ITGB2: variants seen among roughly 807,000 people sequenced by gnomAD.
The protein encoded by ITGB2 is integrin beta-2.
In ITGB2, 56 loss-of-function variants were observed where a neutral mutation model predicts 86.8. That is an observed-to-expected ratio of 0.65 (90% confidence interval 0.52 to 0.81). The LOEUF is 0.81. Among genes scored for constraint, ITGB2 ranks in the 30% least tolerant of loss-of-function variants. The pLI, the probability that ITGB2 is intolerant of heterozygous loss-of-function variation, is 0.00. For missense variants in ITGB2, 948 were observed against 1,061.2 expected (o/e 0.89, Z 1.48); for synonymous variants, 457 against 450.4 (o/e 1.01, Z -0.19).
chr21:44,895,438 G>A (rs2083851058), intron 8 of ITGB2, among the ~76,000 whole-genome samples: 1 of 152,246 alleles, frequency 6.6e-6, no homozygotes, highest in Non-Finnish European at 1.5e-5. Context: ...GCTGAGGCAG[G>A]AGGATCACTT....
At chr21:44,911,592 C>A (rs1028976856) in intron 1 of ITGB2, 54 of 152,328 alleles carry the variant, frequency 3.5e-4, no homozygotes, top group African/African-American at 1.3e-3. Flanking sequence ...TGCCCAGGAG[C>A]CCTGCAGTCC....
chr21:44,893,993 A>T (rs1466480366), intron 9 of ITGB2: 1 of 295,476 alleles, frequency 3.4e-6, no homozygotes, highest in Admixed American at 4.4e-5. Flanking sequence ...TGGGGCAGAG[A>T]CAGAGAGAGA....
chr21:44,905,440 A>G (rs1375305018), intron 4 of ITGB2, among the ~76,000 whole-genome samples: 1 of 151,864 alleles, frequency 6.6e-6, no homozygotes, highest in Non-Finnish European at 1.5e-5. Context: ...CGGCACAAGG[A>G]TGCCCCCACT....
At chr21:44,905,654 C>A (rs560353918) in intron 4 of ITGB2, among the ~76,000 whole-genome samples, 1 of 152,206 alleles carries the variant, frequency 6.6e-6, no homozygotes, top group Non-Finnish European at 1.5e-5. Context: ...GGTTCCAGCA[C>A]GAAGGGGCTT....
rs181349297 is a variant in ITGB2, at chr21:44,903,805, C to T, written c.329-270G>A. ...ACCCGCCTGGGGTGCTTAGAGTTGACGCCAGCGACATTGGGGACGCCTTTC... is the reference window on the plus strand; with the variant it reads ...ACCCGCCTGGGGTGCTTAGAGTTGATGCCAGCGACATTGGGGACGCCTTTC... On this transcript the variant is annotated intron_variant, in intron 4 of 15. Coordinates refer to ENST00000652462, the MANE Select transcript of ITGB2 (RefSeq NM_000211.5). Among the ~76,000 whole-genome samples, 275 of 152,226 alleles carry T rather than the reference C, an allele frequency of 1.8e-3. 1 individual carries two copies. The highest frequency in any genetic ancestry group is 3.1e-3 in the Non-Finnish European group (208 of 67,992).
chr21:44,900,089 C>T (rs1020703338), intron 7 of ITGB2, among the ~76,000 whole-genome samples: 1 of 152,224 alleles, frequency 6.6e-6, no homozygotes, highest in Non-Finnish European at 1.5e-5. Flanking sequence ...CTGGGTGTCC[C>T]ACAAGGGCGA....
At chr21:44,928,621 C>A (rs568831860) in intron 1 of ITGB2, 3 of 139,892 alleles carry the variant, frequency 2.1e-5, no homozygotes, top group African/African-American at 5.2e-5. Flanking sequence ...CGGGTCGGGT[C>A]GGGTCGGGTT....
At chr21:44,909,136 G>A (rs541326033) in intron 3 of ITGB2, among the ~76,000 whole-genome samples, 3 of 152,220 alleles carry the variant, frequency 2.0e-5, no homozygotes, top group Non-Finnish European at 2.9e-5. Flanking sequence ...CTGCGGGTGC[G>A]ATTTGATGAG....
chr21:44,911,334 C>T (rs915462033), intron 1 of ITGB2: 7 of 172,892 alleles, frequency 4.0e-5, no homozygotes, highest in African/African-American at 1.4e-4. Flanking sequence ...ACCATACACA[C>T]GTGCAAATGT....
chr21:44,910,270 C>A lies in ITGB2; in HGVS notation c.147+14G>T. 1 of 1,612,960 alleles carries A rather than the reference C, an allele frequency of 6.2e-7. No homozygotes were observed. The highest frequency in any genetic ancestry group is 8.5e-7 in the Non-Finnish European group (1 of 1,179,620). ...GGAGCTGGGCAGGTGGGGAGGGGTC[C>A]AGGAGGCACTTACCAGCTTCTGGCA... is the stretch of plus-strand genomic sequence containing the variant. On this transcript the variant is annotated intron_variant, in intron 3 of 15. Transcript: ENST00000652462.
At chr21:44,888,917 C>A in intron 13 of ITGB2, 22 bp from the exon 14 acceptor site, 5 of 1,599,238 alleles carry the variant, frequency 3.1e-6, no homozygotes, top group Non-Finnish European at 4.2e-6. Context: ...CAGGTGTGAG[C>A]ATCGGTGCCA....
At chr21:44,901,816 C>A in intron 5 of ITGB2, 83 bp from the exon 6 acceptor site, 1 of 1,452,864 alleles carries the variant, frequency 6.9e-7, no homozygotes, top group Non-Finnish European at 9.3e-7. Flanking sequence ...CGAGGGCAAG[C>A]CTGTTTCCTC....
At chr21:44,895,836 A>AAATG (rs2083856669) in intron 8 of ITGB2, among the ~76,000 whole-genome samples, 1 of 139,196 alleles carries the variant, frequency 7.2e-6, no homozygotes, top group Non-Finnish European at 1.6e-5. Flanking sequence ...CTGTCTCAAT[A>AAATG]AAATAAAATG....
At chr21:44,914,660 C>T (rs750613251) in intron 1 of ITGB2, among the ~76,000 whole-genome samples, 8 of 152,192 alleles carry the variant, frequency 5.3e-5, no homozygotes, top group South Asian at 2.1e-4. Context: ...TGGTGGCTGA[C>T]GCCTGCAATC....
intron 1 of ITGB2, among the ~76,000 whole-genome samples, chr21:44,915,030 C>G (rs548644149): frequency 2.0e-5 from 3 of 152,250 alleles, no homozygotes; most frequent in South Asian, 2.1e-4. Context: ...GGTCAGGCTT[C>G]CTTTTTATTT....
chr21:44,896,816 C>A (rs528470077), intron 8 of ITGB2, among the ~76,000 whole-genome samples: 1 of 152,246 alleles, frequency 6.6e-6, no homozygotes, highest in East Asian at 1.9e-4. Flanking sequence ...GGCTTGTGTG[C>A]CCCAAGGCTC....
upstream of ITGB2, among the ~76,000 whole-genome samples, chr21:44,925,420 G>GA (rs1207973657): frequency 0.024 from 1,730 of 73,536 alleles, 12 homozygotes; most frequent in Middle Eastern, 0.04. Flanking sequence ...GGGAGGGAGG[G>GA]AGGGAAGGAA....
intron 4 of ITGB2, among the ~76,000 whole-genome samples, chr21:44,906,066 T>A (rs2084037223): frequency 1.3e-5 from 2 of 151,972 alleles, no homozygotes; most frequent in South Asian, 4.1e-4. Context: ...ACACCAGGCC[T>A]CCTTCTCCCA....
intron 1 of ITGB2, among the ~76,000 whole-genome samples, chr21:44,919,021 G>GAGCGTCCCCTCT (rs2084254519): frequency 2.5e-5 from 1 of 40,310 alleles, no homozygotes; most frequent in Admixed American, 2.4e-4. Flanking sequence ...GCACTCGGAG[G>GAGCGTCCCCTCT]CACCTGCAGT....
Sources: allele counts gnomAD v4.1 joint callset (sites outside exome capture counted in the v4.1 genomes callset), GRCh38; gene constraint gnomAD v4.1.1; transcripts MANE v1.5; gene names NCBI Gene and HGNC (gene_info 2026-07-23, HGNC 2026-07-21).